The following MMRN2 variants were observed in gnomAD, a reference collection of about 807,000 sequenced individuals.
The protein encoded by MMRN2 is multimerin-2.
In MMRN2, 53 loss-of-function variants were observed where a neutral mutation model predicts 68.8. The ratio of observed to expected loss-of-function variants is 0.77; its 90% CI spans 0.62 to 0.97. The LOEUF is 0.97. Among genes scored for constraint, MMRN2 ranks in the 50% least tolerant of loss-of-function variants. MMRN2 has a pLI of 0.00. For missense variants in MMRN2, 1,266 were observed against 1,259.5 expected (o/e 1.01, Z -0.08); for synonymous variants, 564 against 551.6 (o/e 1.02, Z -0.32).
intron 1 of MMRN2, chr10:86,949,062 G>A (rs946092267): frequency 2.6e-5 from 4 of 152,168 alleles, no homozygotes; most frequent in African/African-American, 9.7e-5. Flanking sequence ...ATCAAAACAT[G>A]TCATATGAAA....
In MMRN2 at chr10:86,942,885, G is replaced by A; in HGVS notation, c.1899C>T (p.Ser633=). ...SEQTPGPLPL[S]YEQIRVALQD... ...GCAGGGCCACGCGGATCTGCTCGTA[G>A]CTCAGGGGCAGCGGTCCCGGCGTCT... is the stretch of plus-strand genomic sequence containing the variant. Residue 633 remains serine, a synonymous_variant, in exon 6 of 7, where the codon AGC becomes AGT. Coordinates refer to ENST00000372027, the MANE Select transcript of MMRN2 (RefSeq NM_024756.3). 3 of 1,447,398 alleles carry A rather than the reference G, an allele frequency of 2.1e-6. No homozygotes were observed. Among genetic ancestry groups the A allele is most frequent in the Non-Finnish European group, 1.8e-6 (2 of 1,098,818 alleles). 89.7% of individuals were successfully genotyped at this position (1,447,398 alleles called of 1,614,324 possible).
rs146099184 is a variant in MMRN2, at chr10:86,957,455, G to C, written c.87C>G (p.Leu29=). The C allele has an allele frequency of 1.6e-5, 26 of 1,613,604 alleles. No individual in the cohort carries two copies. In the South Asian group the frequency reaches 2.6e-4, roughly 16 times the overall value. ...GTGTCCTGGAGCTCTGCAGATCAGA[G>C]AGGCTAGTACTGGAAGCCTGGGCCC... The part of the protein sequence containing the change: ...GAWAQASSTS[L]SDLQSSRTPG... Residue 29 remains leucine (L), a synonymous_variant, in exon 1 of 7, where the codon CTC becomes CTG. Transcript: ENST00000372027.
At chr10:86,949,445 C>T (rs1844114108) in intron 1 of MMRN2, 2 of 151,910 alleles carry the variant, frequency 1.3e-5, no homozygotes, top group African/African-American at 4.8e-5. Context: ...ACCTGTAATC[C>T]CAGATACTCA....
At position 86,936,476 on chromosome 10, in the gene MMRN2, G is replaced by C. The variant is rs560025551; in HGVS notation, c.*267C>G. ...GTGGTGAAGAGTTGGAGCCCAGGCC[G>C]TGCTGTCTGAGAAGGCATGCCAAGC... On this transcript the variant is annotated 3_prime_UTR_variant, in exon 7 of 7. Transcript: ENST00000372027. The C allele has an allele frequency of 3.6e-6, 2 of 551,476 alleles. No individual in the cohort carries two copies. The highest frequency in any genetic ancestry group is 6.4e-6 in the Non-Finnish European group (2 of 312,008). The allele number at this position is 551,476 out of a possible 1,614,324, so 34.2% of individuals were successfully genotyped here. A position where few individuals can be genotyped will look rare whatever the true frequency, so the allele number is the denominator to read the frequency against.
In MMRN2 at chr10:86,943,458, C is replaced by T. The variant is rs770514178; in HGVS notation, c.1326G>A (p.Ala442=). ...QVEELQVNHT[A]LRELRVILME... ...TCAGGATCACGCGCAGCTCACGGAG[C>T]GCCGTGTGGTTCACCTGCAGCTCCT... The change falls in exon 6 of 7, where the codon GCG becomes GCA. Residue 442 remains alanine, a synonymous_variant. Transcript: ENST00000372027. The surrounding 1 kb of genome is among the most constrained non-coding windows in gnomAD (Gnocchi z 4.2). 2 of 1,614,166 alleles carry T rather than the reference C, an allele frequency of 1.2e-6. No individual in the cohort carries two copies. Among genetic ancestry groups the T allele is most frequent in the East Asian group, 4.5e-5 (2 of 44,876 alleles).
At position 86,942,950 on chromosome 10, in the gene MMRN2, C is replaced by A; in HGVS notation, c.1834G>T (p.Ala612Ser). 1 of 1,500,152 alleles carries A rather than the reference C, an allele frequency of 6.7e-7. No homozygotes were observed. Among genetic ancestry groups the A allele is most frequent in the Admixed American group, 2.0e-5 (1 of 50,376 alleles). 92.9% of individuals were successfully genotyped at this position (1,500,152 alleles called of 1,614,324 possible). Residue 612 changes from alanine (A) to serine (S), a missense_variant, in exon 6 of 7, where the codon GCG (alanine) becomes TCG (serine). Transcript: ENST00000372027. ...DALRHEAVLA[A>S]LFGEEVLEEM... ...TCCAGCACCTCCTCCCCGAAGAGCGCGGCCAGCACCGCCTCGTGCCGCAGC... is the reference window on the plus strand; with the variant it reads ...TCCAGCACCTCCTCCCCGAAGAGCGAGGCCAGCACCGCCTCGTGCCGCAGC...
At position 86,945,180 on chromosome 10, in the gene MMRN2, C is replaced by T. The variant is rs369610278; in HGVS notation, c.481+8G>A. ...CTGCCTGCCTTCCCCTTCCGGAAAG[C>T]AACACACCAGGTTTGAAGCTGACTG... On this transcript the variant is annotated splice_region_variant and intron_variant, in intron 4 of 6. Transcript: ENST00000372027. 7.6e-5 allele frequency: 122 copies of T among 1,613,378 alleles called. No homozygotes were observed. The African/African-American group carries it at 1.4e-3, about 19-fold the overall frequency.
chr10:86,951,994 GC>G (rs1844151005), intron 1 of MMRN2, among the ~76,000 whole-genome samples: 2 of 152,270 alleles, frequency 1.3e-5, no homozygotes, highest in South Asian at 4.1e-4. Context: ...GTTGCAGTGA[GC>G]CGACATTGAA....
At chr10:86,944,530 G>T in intron 4 of MMRN2, 95 bp from the exon 5 acceptor site, 1 of 1,376,088 alleles carries the variant, frequency 7.3e-7, no homozygotes, top group Non-Finnish European at 1.0e-6. Flanking sequence ...CTGAGAGCAG[G>T]GAAGTTAGCT....
In MMRN2 at chr10:86,936,205, G is replaced by A; in HGVS notation, c.*538C>T. On this transcript the variant is annotated 3_prime_UTR_variant, in exon 7 of 7. Transcript: ENST00000372027. ...TAATTTCCTTTCCCTTGGTTGGCCAGGCTGTCGTCTTCATTACTGACTAAT... is the reference window on the plus strand; with the variant it reads ...TAATTTCCTTTCCCTTGGTTGGCCAAGCTGTCGTCTTCATTACTGACTAAT... 2.5e-6 allele frequency: 1 copy of A among 394,164 alleles called. No homozygotes were observed. 24.4% of individuals were successfully genotyped at this position (394,164 alleles called of 1,614,324 possible). A position where few individuals can be genotyped will look rare whatever the true frequency, so the allele number is the denominator to read the frequency against.
intron 6 of MMRN2, 109 bp downstream of exon 6, chr10:86,942,208 G>C: frequency 7.5e-7 from 1 of 1,326,426 alleles, no homozygotes; most frequent in Non-Finnish European, 1.0e-6. Context: ...AGGGGTGACG[G>C]ATGGCCATCC....
chr10:86,957,321 CT>C, intron 1 of MMRN2, 56 bp downstream of exon 1: 2 of 1,581,752 alleles, frequency 1.3e-6, no homozygotes, highest in Non-Finnish European at 8.7e-7. Flanking sequence ...TCTGCTCTAG[CT>C]GAGCTGGGAC....
At chr10:86,944,566 A>G (rs1407907593) in intron 4 of MMRN2, 131 bp from the exon 5 acceptor site, 2 of 1,011,176 alleles carry the variant, frequency 2.0e-6, no homozygotes, top group Admixed American at 2.6e-5. Context: ...GCAGGAGCTT[A>G]GAAGCCTTAA....
Position 86,944,348 on chromosome 10 carries a change from C to A in MMRN2, c.569G>T (p.Arg190Leu), listed in dbSNP as rs374898130. The stretch of plus-strand genomic sequence containing the variant: ...CAGGCCTGGCAGGCTGTCTGCCACC[C>A]GGTGCACATCATTCTGGAGATCTCC... ...LLGDLQNDVH[R>L]VADSLPGLWK... Residue 190 changes from arginine to leucine, a missense_variant, in exon 5 of 7, where the codon CGG becomes CTG. Physicochemically the swap from Arg to Leu is moderately radical, Grantham distance 102 (BLOSUM62 -2). Transcript: ENST00000372027. The A allele has an allele frequency of 3.1e-6, 5 of 1,613,984 alleles. No individual in the cohort carries two copies. The Admixed American group carries it at 6.7e-5, about 22-fold the overall frequency.
Position 86,957,368 on chromosome 10 carries a change from G to C in MMRN2, c.164+10C>G. On this transcript the variant is annotated intron_variant, in intron 1 of 6. Transcript: ENST00000372027. ...CTCCATGACCTCTGCCAAGGTCCAG[G>C]CCCTCTTACCGTCCTACGGGGTCCT... 1 of 1,612,510 alleles carries C rather than the reference G, an allele frequency of 6.2e-7. No individual in the cohort carries two copies. The highest frequency in any genetic ancestry group is 8.5e-7 in the Non-Finnish European group (1 of 1,179,714).
intron 1 of MMRN2, among the ~76,000 whole-genome samples, chr10:86,952,053 AAG>A (rs1844151594): frequency 1.3e-5 from 2 of 152,306 alleles, no homozygotes; most frequent in South Asian, 4.1e-4. Context: ...GAAAAAAAGA[AAG>A]AACATTTTGA....
Position 86,936,950 on chromosome 10 carries a change from C to CA in MMRN2, c.2642_2643insT (p.Pro882AlafsTer34). 6.2e-7 allele frequency: 1 copy of CA among 1,614,220 alleles called. No individual in the cohort carries two copies. The highest frequency in any genetic ancestry group is 8.5e-7 in the Non-Finnish European group (1 of 1,180,050). ...CAAACACCAGCTGCCCGGTGCCTGG[C>CA]CCTGGGCCAAATTCAACGCTCACTG... On this transcript the variant is annotated frameshift_variant, in exon 7 of 7. Coordinates refer to ENST00000372027, the MANE Select transcript of MMRN2 (RefSeq NM_024756.3). LOFTEE classifies it low-confidence loss of function (END_TRUNC).
At chr10:86,945,808 T>C (rs1320969549) in intron 1 of MMRN2, 119 bp from the exon 2 acceptor site, 1 of 1,544,228 alleles carries the variant, frequency 6.5e-7, no homozygotes, top group African/African-American at 1.4e-5. Flanking sequence ...TGGAATCCAT[T>C]ATCCTGAGAA....
intron 6 of MMRN2, 84 bp from the exon 7 acceptor site, chr10:86,937,209 CCTT>C: frequency 2.8e-6 from 4 of 1,431,770 alleles, no homozygotes; most frequent in Non-Finnish European, 3.8e-6. Flanking sequence ...ACCGTCCTCA[CCTT>C]ATTAGCAATG....
Sources: allele counts gnomAD v4.1 joint callset (sites outside exome capture counted in the v4.1 genomes callset), GRCh38; gene constraint gnomAD v4.1.1; non-coding constraint Gnocchi (gnomAD v3.1); transcripts MANE v1.5; gene names NCBI Gene and HGNC (gene_info 2026-07-23, HGNC 2026-07-21).